Variants in KCNMB3 observed in about 807,000 individuals in gnomAD.
The protein encoded by KCNMB3 is potassium calcium-activated channel subfamily M regulatory beta subunit 3.
In KCNMB3, 18 loss-of-function variants were observed where a neutral mutation model predicts 11.9. The ratio of observed to expected loss-of-function variants is 1.51; its 90% CI spans 1.04 to 2.23. The LOEUF is 2.23. KCNMB3 is among the 30% of genes most tolerant of loss of function. The pLI, the probability that KCNMB3 is intolerant of heterozygous loss-of-function variation, is 0.00. For missense variants in KCNMB3, 247 were observed against 329.4 expected (o/e 0.75, Z 1.94); for synonymous variants, 78 against 119.2 (o/e 0.65, Z 2.25).
chr3:179,259,455 T>A, intron 1 of KCNMB3: 1 of 1,612,900 alleles, frequency 6.2e-7, no homozygotes, highest in Admixed American at 1.7e-5. Context: ...AGCTGCTGTT[T>A]TTACATCATT....
chr3:179,266,112 A>G (rs559104223), intron 1 of KCNMB3, among the ~76,000 whole-genome samples: 1 of 152,352 alleles, frequency 6.6e-6, no homozygotes, highest in South Asian at 2.1e-4. Context: ...TTCACAGATA[A>G]GGAGATGAGG....
upstream of KCNMB3, among the ~76,000 whole-genome samples, chr3:179,254,863 G>T (rs1375244476): frequency 1.3e-5 from 2 of 152,050 alleles, no homozygotes; most frequent in East Asian, 1.9e-4. Context: ...CACTCATTTA[G>T]AAGTCATAAA....
intron 1 of KCNMB3, among the ~76,000 whole-genome samples, chr3:179,246,046 G>C (rs1330143720): frequency 2.0e-5 from 3 of 152,174 alleles, no homozygotes; most frequent in African/African-American, 7.2e-5. Flanking sequence ...TCACATATAG[G>C]TGGACTCCTG....
upstream of KCNMB3, among the ~76,000 whole-genome samples, chr3:179,255,120 G>A (rs1403829605): frequency 1.3e-5 from 2 of 151,584 alleles, no homozygotes; most frequent in East Asian, 1.9e-4. Flanking sequence ...AGCTGAGATC[G>A]TGCCACTGCA....
chr3:179,246,281 C>T (rs6803076), intron 1 of KCNMB3, among the ~76,000 whole-genome samples: 5 of 151,710 alleles, frequency 3.3e-5, no homozygotes, highest in East Asian at 1.9e-4. Context: ...GCATGGTGGC[C>T]GGCACCTGTA....
At chr3:179,244,457 G>A (rs1175922721) in intron 2 of KCNMB3, 38 bp downstream of exon 2, 3 of 1,546,564 alleles carry the variant, frequency 1.9e-6, no homozygotes, top group South Asian at 1.1e-5. Flanking sequence ...TGGCAGGGAA[G>A]GGTTGCTGTC....
chr3:179,257,867 T>C (rs62410368), intron 1 of KCNMB3, among the ~76,000 whole-genome samples: 1 of 85,692 alleles, frequency 1.2e-5, no homozygotes, highest in Non-Finnish European at 2.3e-5. Context: ...CATGAAAACA[T>C]TGTTTTGTGT....
At chr3:179,245,340 A>G (rs1725599384) in intron 1 of KCNMB3, among the ~76,000 whole-genome samples, 1 of 152,220 alleles carries the variant, frequency 6.6e-6, no homozygotes, top group Non-Finnish European at 1.5e-5. Flanking sequence ...CAAAGAGGCA[A>G]GTGCAAATCA....
At chr3:179,260,777 C>T in intron 1 of KCNMB3, 1 of 1,434,040 alleles carries the variant, frequency 7.0e-7, no homozygotes, top group Non-Finnish European at 9.8e-7. Context: ...GTGTTTTTCC[C>T]TTTCAAATTA....
chr3:179,262,350 A>T (rs1375594361), intron 1 of KCNMB3, among the ~76,000 whole-genome samples: 11 of 152,180 alleles, frequency 7.2e-5, no homozygotes. Flanking sequence ...GGACCTTCGC[A>T]GTGAGTGTTA....
upstream of KCNMB3, among the ~76,000 whole-genome samples, chr3:179,255,869 T>C (rs1430402362): frequency 6.6e-6 from 1 of 152,244 alleles, no homozygotes; most frequent in African/African-American, 2.4e-5. Flanking sequence ...CTTACTTCTC[T>C]GTAACAAGAC....
intron 1 of KCNMB3, among the ~76,000 whole-genome samples, chr3:179,257,881 T>A (rs1443026418): frequency 2.1e-5 from 1 of 47,058 alleles, no homozygotes. Flanking sequence ...TTTGTGTGTG[T>A]GTGTGTGTGT....
chr3:179,256,760 T>C (rs536946111), intron 1 of KCNMB3, among the ~76,000 whole-genome samples: 24 of 152,170 alleles, frequency 1.6e-4, no homozygotes, highest in Admixed American at 1.5e-3. Flanking sequence ...GAAAAACTCA[T>C]GAAAAAGTCA....
intron 1 of KCNMB3, among the ~76,000 whole-genome samples, chr3:179,265,809 C>A (rs1473955196): frequency 6.6e-6 from 1 of 152,216 alleles, no homozygotes; most frequent in African/African-American, 2.4e-5. Context: ...TCACTCTTCT[C>A]TCCATTTTGG....
At chr3:179,246,641 T>C (rs1331126017) in intron 1 of KCNMB3, among the ~76,000 whole-genome samples, 3 of 152,208 alleles carry the variant, frequency 2.0e-5, no homozygotes, top group Admixed American at 1.3e-4. Flanking sequence ...TAAGATTATT[T>C]CATAGACTTA....
intron 1 of KCNMB3, chr3:179,259,279 C>T: frequency 3.9e-6 from 6 of 1,547,216 alleles, no homozygotes; most frequent in Non-Finnish European, 5.2e-6. Flanking sequence ...CAGTGATCTG[C>T]ATCTTCGCTC....
At chr3:179,250,598 G>T (rs1009933516) in intron 1 of KCNMB3, 145 bp downstream of exon 1, 7 of 842,538 alleles carry the variant, frequency 8.3e-6, no homozygotes, top group Non-Finnish European at 1.3e-5. Context: ...AGCACTGACA[G>T]CGGAAGAGGA....
In KCNMB3 at chr3:179,250,842, C is replaced by A. The variant is rs1407551803; in HGVS notation, c.149G>T (p.Gly50Val). 4 of 1,614,042 alleles carry A rather than the reference C, an allele frequency of 2.5e-6. No homozygotes were observed. The South Asian group carries it at 3.3e-5, about 13-fold the overall frequency. ...DVHKRLPSSAGEDRAVMLGFA... is the reference protein window; with the variant it reads ...DVHKRLPSSAVEDRAVMLGFA... ...CCCCAGCATCACGGCTCGGTCCTCT[C>A]CAGCACTGGATGGCAGCCTCTTGTG... The change falls in exon 1 of 3, where the codon GGA becomes GTA. Residue 50 changes from glycine to valine, a missense_variant. By Grantham distance (109) the Gly-to-Val change is moderately radical (BLOSUM62 -3). This residue lies in a region of KCNMB3 where 160 missense variants were observed against 157.5 expected (regional missense o/e 1.02). Coordinates refer to ENST00000392685, the MANE Select transcript of KCNMB3 (RefSeq NM_171830.2).
In KCNMB3 at chr3:179,259,608, G is replaced by C. The variant is rs1262262101; in HGVS notation, c.62+7041C>G. Reference sequence around the variant, plus strand: ...TTCCACTGCTGACTTTCTGTCAGTAGACTTTACCTGCTCTTCTTCCTTAAT... The same window carrying C: ...TTCCACTGCTGACTTTCTGTCAGTACACTTTACCTGCTCTTCTTCCTTAAT... On this transcript the variant is annotated intron_variant, in intron 1 of 3. Coordinates refer to the KCNMB3 transcript ENST00000349697. The C allele has an allele frequency of 3.1e-6, 5 of 1,608,116 alleles. No individual in the cohort carries two copies. The African/African-American group carries it at 6.7e-5, about 22-fold the overall frequency.
Sources: gnomAD v4.1 joint callset for allele counts (sites outside exome capture counted in the v4.1 genomes callset) on GRCh38, gnomAD v4.1.1 for gene constraint, gnomAD v4.1.1 regional missense constraint, MANE v1.5 for transcripts, NCBI Gene and HGNC (gene_info 2026-07-23, HGNC 2026-07-21) for gene names.